Variants in TRIP12 observed in about 807,000 individuals in gnomAD.
TRIP12 encodes the protein thyroid hormone receptor interactor 12.
TRIP12 carries 25 observed loss-of-function variants against 244.2 expected under a neutral mutation model. The ratio of observed to expected loss-of-function variants is 0.10; its 90% CI spans 0.07 to 0.14. The LOEUF (loss-of-function observed/expected upper bound fraction) is 0.14, where lower values mean the gene tolerates loss of function less well. Among genes scored for constraint, TRIP12 ranks in the 10% least tolerant of loss-of-function variants. The probability of loss-of-function intolerance (pLI) is 1.00; values close to 1 mark genes in which losing one functional copy is unlikely to be tolerated. For missense variants in TRIP12, 1,677 were observed against 2,486.4 expected (o/e 0.67, Z 6.92); for synonymous variants, 905 against 873.1 (o/e 1.04, Z -0.64).
At chr2:229,855,911 G>A (rs573555307) in intron 4 of TRIP12, among the ~76,000 whole-genome samples, 1 of 151,990 alleles carries the variant, frequency 6.6e-6, no homozygotes, top group African/African-American at 2.4e-5. Context: ...GGTGGCATGC[G>A]CCTGTAATCC....
chr2:229,860,889 C>T (rs915393139), intron 2 of TRIP12, among the ~76,000 whole-genome samples: 1 of 152,122 alleles, frequency 6.6e-6, no homozygotes, highest in Non-Finnish European at 1.5e-5. Flanking sequence ...TAGATCTAAA[C>T]ACACTTTTAA....
At chr2:229,823,357 A>G (rs1330050051) in intron 8 of TRIP12, among the ~76,000 whole-genome samples, 2 of 152,204 alleles carry the variant, frequency 1.3e-5, no homozygotes, top group Admixed American at 1.3e-4. Flanking sequence ...CAGTAGCCCG[A>G]TCTCGGCTAA....
At chr2:229,769,006 G>T (rs1228911412) in intron 40 of TRIP12, among the ~76,000 whole-genome samples, 1 of 145,242 alleles carries the variant, frequency 6.9e-6, no homozygotes, top group African/African-American at 2.4e-5. Flanking sequence ...CCAACCCCTA[G>T]TATTTTCACA....
Position 229,765,832 on chromosome 2 carries a change from A to C in TRIP12, c.*1722T>G, listed in dbSNP as rs1295449604. On this transcript the variant is annotated 3_prime_UTR_variant, in exon 42 of 42. Transcript: ENST00000675903. ...CAATTCCCTTCTTGGATTTCAGGGA[A>C]AAGCCATTCACTTGTCAGTCTCTGC... 1 of 152,204 alleles carries C rather than the reference A, an allele frequency of 6.6e-6. No homozygotes were observed. Among genetic ancestry groups the C allele is most frequent in the African/African-American group, 2.4e-5 (1 of 41,448 alleles). 9.4% of individuals were successfully genotyped at this position (152,204 alleles called of 1,614,324 possible).
chr2:229,919,030 G>A (rs1055296403), intron 1 of TRIP12, among the ~76,000 whole-genome samples: 3 of 152,154 alleles, frequency 2.0e-5, no homozygotes, highest in African/African-American at 7.2e-5. Flanking sequence ...GAATTTCCAA[G>A]CCAGTGATGT....
In TRIP12 at chr2:229,793,026, T is replaced by C. The variant is rs2041932366; in HGVS notation, c.4088A>G (p.Lys1363Arg). Residue 1363 changes from lysine to arginine, a missense_variant, in exon 27 of 42, where the codon AAG (lysine) becomes AGG (arginine). By Grantham distance (26) the Lys-to-Arg change is conservative. Coordinates refer to ENST00000675903, the MANE Select transcript of TRIP12 (RefSeq NM_001348323.3). The part of the protein sequence containing the change: ...NVKQWKGGPV[K>R]IDPLALVQAI... ...TTGTACCAAAGCCAGAGGGTCAATC[T>C]TGACAGGTCCACCCTTCCACTGCTT... 6.2e-7 allele frequency: 1 copy of C among 1,613,864 alleles called. No individual in the cohort carries two copies. Among genetic ancestry groups the C allele is most frequent in the Non-Finnish European group, 8.5e-7 (1 of 1,179,914 alleles).
chr2:229,774,065 C>T (rs1243810362), intron 38 of TRIP12, 32 bp downstream of exon 38: 3 of 1,599,298 alleles, frequency 1.9e-6, no homozygotes, highest in Non-Finnish European at 2.6e-6. Flanking sequence ...GTCTTCACAA[C>T]TGGCCTACCC....
At chr2:229,911,470 T>G (rs1226318375) in intron 1 of TRIP12, among the ~76,000 whole-genome samples, 1 of 152,244 alleles carries the variant, frequency 6.6e-6, no homozygotes, top group African/African-American at 2.4e-5. Flanking sequence ...AGTAATGGTA[T>G]CTGTTAAAGG....
intron 1 of TRIP12, among the ~76,000 whole-genome samples, chr2:229,897,584 T>G (rs535250789): frequency 6.7e-4 from 102 of 152,184 alleles, no homozygotes; most frequent in Admixed American, 1.0e-3. Context: ...GAGGCGGAGG[T>G]TGCAGTCAGC....
chr2:229,803,768 A>G (rs2045099265), intron 19 of TRIP12, 79 bp from the exon 20 acceptor site: 2 of 1,077,234 alleles, frequency 1.9e-6, no homozygotes, highest in Non-Finnish European at 2.7e-6. Context: ...TTAAATTGAG[A>G]GCAAAGCATT....
At chr2:229,830,034 A>C (rs2052889500) in intron 7 of TRIP12, among the ~76,000 whole-genome samples, 1 of 152,244 alleles carries the variant, frequency 6.6e-6, no homozygotes. Context: ...ATTTAAAAGC[A>C]ATAAAAAATG....
At chr2:229,770,350 A>C (rs1032574219) in intron 39 of TRIP12, among the ~76,000 whole-genome samples, 1 of 152,168 alleles carries the variant, frequency 6.6e-6, no homozygotes, top group African/African-American at 2.4e-5. Context: ...AACTTGGATA[A>C]GGTTATACAG....
chr2:229,779,450 C>T (rs901825547), intron 34 of TRIP12, among the ~76,000 whole-genome samples: 1 of 152,212 alleles, frequency 6.6e-6, no homozygotes, highest in Non-Finnish European at 1.5e-5. Context: ...TACTTAAATA[C>T]TTACTACATG....
intron 1 of TRIP12, among the ~76,000 whole-genome samples, chr2:229,897,054 A>G (rs1209657222): frequency 6.6e-6 from 1 of 152,218 alleles, no homozygotes; most frequent in African/African-American, 2.4e-5. Context: ...GGAAAAGGCT[A>G]TGCATGTTGA....
At chr2:229,805,036 G>T (rs1397589826) in intron 18 of TRIP12, among the ~76,000 whole-genome samples, 1 of 152,068 alleles carries the variant, frequency 6.6e-6, no homozygotes, top group Non-Finnish European at 1.5e-5. Flanking sequence ...CTCCTGAGTA[G>T]CTGGGACTAC....
At chr2:229,843,495 G>C (rs1243446828) in intron 4 of TRIP12, among the ~76,000 whole-genome samples, 1 of 152,148 alleles carries the variant, frequency 6.6e-6, no homozygotes, top group Non-Finnish European at 1.5e-5. Flanking sequence ...GGGAGGCCAA[G>C]GCCTGAGGAT....
chr2:229,771,462 G>A, intron 39 of TRIP12, 57 bp downstream of exon 39: 1 of 1,471,094 alleles, frequency 6.8e-7, no homozygotes, highest in Non-Finnish European at 9.5e-7. Flanking sequence ...AGGCAGCACA[G>A]AAACACTCCA....
Position 229,778,782 on chromosome 2 carries a change from C to T in TRIP12, c.5209+94G>A. ...AGAGGCTAAAAGAAAGCAAGTACAGCTGTCCATTAGAAATTAAATATGTCT... is the reference window on the plus strand; with the variant it reads ...AGAGGCTAAAAGAAAGCAAGTACAGTTGTCCATTAGAAATTAAATATGTCT... On this transcript the variant is annotated intron_variant, in intron 35 of 41. Transcript: ENST00000675903. This position sits in a 1 kb window ranked among gnomAD's most constrained non-coding sequence, Gnocchi z 4.1. 1 of 1,376,018 alleles carries T rather than the reference C, an allele frequency of 7.3e-7. No individual in the cohort carries two copies. The highest frequency in any genetic ancestry group is 1.4e-5 in the African/African-American group (1 of 69,496). 85.2% of individuals were successfully genotyped at this position (1,376,018 alleles called of 1,614,324 possible). A position where few individuals can be genotyped will look rare whatever the true frequency, so the allele number is the denominator to read the frequency against.
chr2:229,821,808 C>T (rs2050121327), intron 8 of TRIP12, among the ~76,000 whole-genome samples: 1 of 152,116 alleles, frequency 6.6e-6, no homozygotes, highest in African/African-American at 2.4e-5. Flanking sequence ...TTGAAATCAA[C>T]TGGCCCACAG....
Sources: allele counts gnomAD v4.1 joint callset (sites outside exome capture counted in the v4.1 genomes callset), GRCh38; gene constraint gnomAD v4.1.1; non-coding constraint Gnocchi (gnomAD v3.1); transcripts MANE v1.5; gene names NCBI Gene and HGNC (gene_info 2026-07-23, HGNC 2026-07-21).